ANO3: variants seen among roughly 807,000 people sequenced by gnomAD.
The protein encoded by ANO3 is anoctamin-3.
Under a neutral mutation model 144.8 loss-of-function variants are expected in ANO3, and 99 were observed. The ratio of observed to expected loss-of-function variants is 0.68; its 90% CI spans 0.58 to 0.81. The LOEUF (loss-of-function observed/expected upper bound fraction) is 0.81. Ranked by LOEUF, ANO3 falls within the 30% of genes least tolerant of loss-of-function variation. The pLI is 0.00. For synonymous variants in ANO3, 414 were observed against 392.6 expected (o/e 1.05, Z -0.64); for missense variants, 905 against 1,202.2 (o/e 0.75, Z 3.66).
At chr11:26,263,933 G>T (rs1447955209) in intron 1 of ANO3, among the ~76,000 whole-genome samples, 2 of 152,154 alleles carry the variant, frequency 1.3e-5, no homozygotes, top group Non-Finnish European at 2.9e-5. Flanking sequence ...ATTAATTTAT[G>T]ATTTCAGAAT....
chr11:26,622,771 A>G (rs1852457377), intron 17 of ANO3, among the ~76,000 whole-genome samples: 1 of 152,200 alleles, frequency 6.6e-6, no homozygotes, highest in Non-Finnish European at 1.5e-5. Flanking sequence ...CTTCTGTAAA[A>G]TGGGAATCAT....
chr11:26,234,158 G>A (rs1048394693), intron 1 of ANO3, among the ~76,000 whole-genome samples: 2 of 152,164 alleles, frequency 1.3e-5, no homozygotes, highest in Non-Finnish European at 2.9e-5. Flanking sequence ...ACAGGTACAA[G>A]TTCTGAGAAA....
chr11:26,643,031 A>T, intron 22 of ANO3, 151 bp from the exon 23 acceptor site: 1 of 673,212 alleles, frequency 1.5e-6, no homozygotes, highest in South Asian at 1.9e-5. Flanking sequence ...TTTAATTAAC[A>T]TATATGAAAT....
intron 18 of ANO3, among the ~76,000 whole-genome samples, chr11:26,625,970 C>A (rs944933998): frequency 6.6e-6 from 1 of 152,138 alleles, no homozygotes; most frequent in Non-Finnish European, 1.5e-5. Context: ...AACTTGATAT[C>A]CATGTTCCTA....
chr11:26,461,618 G>C (rs765762268), intron 3 of ANO3, among the ~76,000 whole-genome samples: 5 of 151,972 alleles, frequency 3.3e-5, no homozygotes, highest in Non-Finnish European at 5.9e-5. Flanking sequence ...TGCATATCAG[G>C]GTTGTTTAAT....
At chr11:26,471,492 T>C (rs1859781682) in intron 4 of ANO3, among the ~76,000 whole-genome samples, 1 of 151,928 alleles carries the variant, frequency 6.6e-6, no homozygotes, top group Non-Finnish European at 1.5e-5. Flanking sequence ...CAAATAATAA[T>C]AAGTAGACTA....
chr11:26,251,629 G>A (rs1340893471), intron 1 of ANO3, among the ~76,000 whole-genome samples: 1 of 152,120 alleles, frequency 6.6e-6, no homozygotes, highest in African/African-American at 2.4e-5. Context: ...CTGCTATAAC[G>A]AAATACCCAA....
chr11:26,440,607 T>C (rs1858477559), intron 1 of ANO3, among the ~76,000 whole-genome samples: 1 of 152,052 alleles, frequency 6.6e-6, no homozygotes, highest in African/African-American at 2.4e-5. Flanking sequence ...GGATATCTAC[T>C]CCACCTCAAG....
intron 1 of ANO3, among the ~76,000 whole-genome samples, chr11:26,314,254 T>TATCTGC (rs1854571137): frequency 1.3e-5 from 2 of 152,208 alleles, no homozygotes; most frequent in Non-Finnish European, 2.9e-5. Flanking sequence ...TGAGTCCGAT[T>TATCTGC]ATCTGCATAC....
chr11:26,190,076 A>C (rs1851446547), intron 1 of ANO3, among the ~76,000 whole-genome samples: 1 of 152,194 alleles, frequency 6.6e-6, no homozygotes, highest in Non-Finnish European at 1.5e-5. Flanking sequence ...TGTTGTACTA[A>C]AGTAAAACAG....
intron 4 of ANO3, among the ~76,000 whole-genome samples, chr11:26,493,923 A>G (rs1860819903): frequency 6.6e-6 from 1 of 152,218 alleles, no homozygotes; most frequent in Admixed American, 6.5e-5. Context: ...CAAGGCAAAT[A>G]CTAAATAAAC....
At chr11:26,657,734 A>G (rs983072200) in intron 26 of ANO3, among the ~76,000 whole-genome samples, 3 of 152,110 alleles carry the variant, frequency 2.0e-5, no homozygotes, top group Non-Finnish European at 4.4e-5. Context: ...CTTCAATGGT[A>G]TTGTTTCATG....
rs188396825 is a variant in ANO3, at chr11:26,538,489, G to A, written c.1032+1028G>A. Among the ~76,000 whole-genome samples, 6 of 152,234 alleles carry A rather than the reference G, an allele frequency of 3.9e-5. No homozygotes were observed. The East Asian group carries it at 1.2e-3, about 29-fold the overall frequency. On this transcript the variant is annotated intron_variant, in intron 10 of 26. Coordinates refer to ENST00000256737, the MANE Select transcript of ANO3 (RefSeq NM_031418.4). ...ATCTTATTATTCTTATTTTACAGCT[G>A]AAGAAACAAAGCTCAGAGAAATTAA...
At chr11:26,335,139 C>T (rs555323161) in intron 1 of ANO3, among the ~76,000 whole-genome samples, 3 of 152,108 alleles carry the variant, frequency 2.0e-5, no homozygotes, top group African/African-American at 7.2e-5. Flanking sequence ...TATTTTGAGC[C>T]CTGGATATTA....
intron 4 of ANO3, among the ~76,000 whole-genome samples, chr11:26,487,368 T>C (rs1341126820): frequency 6.6e-6 from 1 of 152,242 alleles, no homozygotes. Context: ...GAGGCCTCCC[T>C]AGGCATGTGG....
chr11:26,626,471 C>G (rs1321587799), intron 18 of ANO3, among the ~76,000 whole-genome samples: 2 of 152,138 alleles, frequency 1.3e-5, no homozygotes, highest in Non-Finnish European at 2.9e-5. Context: ...GTATAATTGG[C>G]CAAGACCTAG....
At chr11:26,329,325 CACAG>C (rs773911264), upstream of ANO3, among the ~76,000 whole-genome samples, 244 of 106,564 alleles carry the variant, frequency 2.3e-3, 1 homozygote, top group Middle Eastern at 4.9e-3. Flanking sequence ...CACACACACA[CACAG>C]AGAGAGAGAG....
chr11:26,600,328 C>CCCCTT (rs1851762026), intron 17 of ANO3, among the ~76,000 whole-genome samples: 2 of 79,630 alleles, frequency 2.5e-5, no homozygotes, highest in Non-Finnish European at 5.2e-5. Context: ...CCCCTCCCGT[C>CCCCTT]TTCTCTCCCC....
In ANO3 at chr11:26,531,489, C is replaced by G. The variant is rs150951562; in HGVS notation, c.869+153C>G. ...ATACACACTTAACTTATAAACAACA[C>G]TAAGTGAATGTTATTAATTCGCTAT... On this transcript the variant is annotated intron_variant, in intron 8 of 26. Coordinates refer to ENST00000256737, the MANE Select transcript of ANO3 (RefSeq NM_031418.4). Among the ~76,000 whole-genome samples, 6 of 152,214 alleles carry G rather than the reference C, an allele frequency of 3.9e-5. No homozygotes were observed. The East Asian group carries it at 1.2e-3, about 29-fold the overall frequency.
Sources: allele counts gnomAD v4.1 joint callset (sites outside exome capture counted in the v4.1 genomes callset), GRCh38; gene constraint gnomAD v4.1.1; transcripts MANE v1.5; gene names NCBI Gene and HGNC (gene_info 2026-07-23, HGNC 2026-07-21).